The following JPH2 variants were observed in gnomAD, a reference collection of about 807,000 sequenced individuals.
JPH2 encodes the protein junctophilin-2.
Under a neutral mutation model 55.9 loss-of-function variants are expected in JPH2, and 38 were observed. The observed-to-expected ratio is 0.68, with a 90% CI of 0.52 to 0.89. The LOEUF (loss-of-function observed/expected upper bound fraction) is 0.89, where lower values mean the gene tolerates loss of function less well. JPH2 is among the 40% of genes least tolerant of loss of function. The pLI is 0.00. For missense variants in JPH2, 964 were observed against 1,037.6 expected, an observed-to-expected ratio of 0.93 and a Z score of 0.97; for synonymous variants, 480 against 472.4, an observed-to-expected ratio of 1.02 and a Z score of -0.21.
chr20:44,177,935 T>C (rs1392770058), intron 1 of JPH2: 3 of 1,395,128 alleles, frequency 2.2e-6, no homozygotes, highest in Admixed American at 3.3e-5. Flanking sequence ...CTTGTTTCAT[T>C]GTCTCGACCA....
Position 44,115,910 on chromosome 20 carries a change from C to CCTCGGG in JPH2, c.1759_1764dup (p.Pro587_Glu588dup). On this transcript the variant is annotated inframe_insertion, in exon 4 of 6. Transcript: ENST00000372980. ...GAGGGCGCGGACTCGGACCCGGAGACCTCGGGCTCGGGCTGGTCCTCAAAG... is the reference window on the plus strand; with the variant it reads ...GAGGGCGCGGACTCGGACCCGGAGACCTCGGGCTCGGGCTCGGGCTGGTCCTCAAAG... 1 of 1,573,236 alleles carries CCTCGGG rather than the reference C, an allele frequency of 6.4e-7. No homozygotes were observed. The highest frequency in any genetic ancestry group is 8.6e-7 in the Non-Finnish European group (1 of 1,166,042).
At chr20:44,140,514 C>T (rs922564185) in intron 2 of JPH2, among the ~76,000 whole-genome samples, 20 of 152,272 alleles carry the variant, frequency 1.3e-4, no homozygotes, top group South Asian at 4.1e-4. Context: ...CAGGGCCACA[C>T]GAAGCCAGGG....
At chr20:44,117,405 C>T (rs1399123321) in intron 3 of JPH2, among the ~76,000 whole-genome samples, 1 of 152,260 alleles carries the variant, frequency 6.6e-6, no homozygotes, top group African/African-American at 2.4e-5. Context: ...TCTGCAGCCT[C>T]GATTCTCAGG....
At chr20:44,148,634 C>G (rs1216832558) in intron 2 of JPH2, among the ~76,000 whole-genome samples, 2 of 152,212 alleles carry the variant, frequency 1.3e-5, no homozygotes, top group Non-Finnish European at 2.9e-5. Context: ...TACTGCCCTT[C>G]TCTGTGTGTG....
rs779253937 is a variant in JPH2 at position 44,115,728 on chromosome 20, C to G, written c.1947G>C (p.Gly649=). The part of the protein sequence containing the change: ...KTEARGLTKA[G]AKKKARKEAA... ...CCTCCTTCCGCGCCTTCTTCTTGGC[C>G]CCCGCCTTGGTCAGCCCTCGAGCCT... Residue 649 remains glycine (G), a synonymous_variant, in exon 4 of 6, where the codon GGG becomes GGC. Transcript: ENST00000372980. 6.2e-7 allele frequency: 1 copy of G among 1,613,630 alleles called. No individual in the cohort carries two copies. The highest frequency in any genetic ancestry group is 8.5e-7 in the Non-Finnish European group (1 of 1,180,016).
At chr20:44,148,085 C>A (rs897783823) in intron 2 of JPH2, among the ~76,000 whole-genome samples, 3 of 152,182 alleles carry the variant, frequency 2.0e-5, no homozygotes, top group South Asian at 2.1e-4. Context: ...ATTGCTTGGG[C>A]CCGGGAGGCA....
At position 44,159,848 on chromosome 20, in the gene JPH2, G is replaced by A. The variant is rs776738536; in HGVS notation, c.939C>T (p.Arg313=). The A allele has an allele frequency of 1.2e-6, 2 of 1,613,576 alleles. No individual in the cohort carries two copies. The highest frequency in any genetic ancestry group is 3.3e-5 in the Admixed American group (2 of 60,016). Residue 313 remains arginine (R), a synonymous_variant, in exon 2 of 6, where the codon CGC becomes CGT. Coordinates refer to ENST00000372980, the MANE Select transcript of JPH2 (RefSeq NM_020433.5). The surrounding 1 kb of genome is among the most constrained non-coding windows in gnomAD (Gnocchi z 5.7). ...FGVSERSSGL[R]YEGEWLDNLR... ...GGTTGTCCAGCCACTCGCCCTCGTA[G>A]CGGAGGCCACTGGAGCGTTCGCTCA...
At chr20:44,140,959 A>G (rs1401845391) in intron 2 of JPH2, among the ~76,000 whole-genome samples, 1 of 152,138 alleles carries the variant, frequency 6.6e-6, no homozygotes, top group Non-Finnish European at 1.5e-5. Flanking sequence ...TCTAACCCCA[A>G]AGCCTGTGCT....
intron 2 of JPH2, among the ~76,000 whole-genome samples, chr20:44,126,024 G>T (rs540451939): frequency 7.2e-5 from 11 of 151,734 alleles, no homozygotes; most frequent in African/African-American, 2.4e-4. Flanking sequence ...TACTTGGAAG[G>T]CTGAGGTGGG....
At chr20:44,132,401 C>CACACACACAG in intron 2 of JPH2, among the ~76,000 whole-genome samples, 1 of 146,376 alleles carries the variant, frequency 6.8e-6, no homozygotes, top group African/African-American at 2.6e-5. Context: ...CACACACACA[C>CACACACACAG]ATTTGGGCTG....
Position 44,118,537 on chromosome 20 carries a change from G to A in JPH2, c.1256C>T (p.Ala419Val). ...GTAGAAGTCCGGAGCCAGCTCCCTG[G>A]CCAAAGTGCGAGCAATGTTGGACTC... ...NQESNIARTL[A>V]RELAPDFYQP... is the part of the protein sequence containing the mutation. The change falls in exon 3 of 6, where the codon GCC (alanine) becomes GTC (valine). Residue 419 changes from alanine (A) to valine (V), a missense_variant. Physicochemically the swap from Ala to Val is moderately conservative, Grantham distance 64. Coordinates refer to ENST00000372980, the MANE Select transcript of JPH2 (RefSeq NM_020433.5). The A allele has an allele frequency of 6.2e-7, 1 of 1,613,218 alleles. No individual in the cohort carries two copies. Among genetic ancestry groups the A allele is most frequent in the Non-Finnish European group, 8.5e-7 (1 of 1,179,998 alleles).
rs1292510248 is a variant in JPH2 at position 44,186,699 on chromosome 20, C to T, written c.7G>A (p.Gly3Arg). The T allele has an allele frequency of 6.3e-7, 1 of 1,599,300 alleles. No individual in the cohort carries two copies. The highest frequency in any genetic ancestry group is 8.5e-7 in the Non-Finnish European group (1 of 1,179,636). ...CCATCATCAAAGTCGAAGCGGCCCC[C>T]ACTCATCTCATCATAGCCCCTGACA... The part of the protein sequence containing the change: MS[G>R]GRFDFDDGGA... Residue 3 changes from glycine to arginine, a missense_variant, in exon 1 of 6, where the codon GGG (glycine) becomes AGG (arginine). Physicochemically the swap from Gly to Arg is moderately radical, Grantham distance 125. Transcript: ENST00000372980.
At chr20:44,141,512 GTT>G (rs34441989) in intron 2 of JPH2, among the ~76,000 whole-genome samples, 52 of 147,878 alleles carry the variant, frequency 3.5e-4, no homozygotes, top group African/African-American at 1.0e-3. Context: ...AGTAGAAGCA[GTT>G]TTTTTTTTTT....
In JPH2 at chr20:44,110,134, C is replaced by A. The variant is rs890349533; in HGVS notation, c.*3384G>T. Among the ~76,000 whole-genome samples the A allele has an allele frequency of 6.6e-6, 1 of 152,102 alleles. No homozygotes were observed. Among genetic ancestry groups the A allele is most frequent in the Non-Finnish European group, 1.5e-5 (1 of 68,020 alleles). On this transcript the variant is annotated 3_prime_UTR_variant, in exon 6 of 6. Transcript: ENST00000372980. Reference sequence around the variant, plus strand: ...CCCTACCTGGCTCTGAGTCTCCAAACCTGGGGCTCAGGAAGCCGCCTCCTT... The same window carrying A: ...CCCTACCTGGCTCTGAGTCTCCAAAACTGGGGCTCAGGAAGCCGCCTCCTT...
chr20:44,137,645 C>T (rs1011564462), intron 2 of JPH2, among the ~76,000 whole-genome samples: 2 of 152,254 alleles, frequency 1.3e-5, no homozygotes, highest in Non-Finnish European at 2.9e-5. Context: ...TGGACAACTG[C>T]ATCCCTTTGT....
At chr20:44,163,322 G>A (rs1001744246) in intron 1 of JPH2, among the ~76,000 whole-genome samples, 33 of 152,184 alleles carry the variant, frequency 2.2e-4, no homozygotes, top group African/African-American at 7.7e-4. Flanking sequence ...TGTCAATGAT[G>A]TGTTGGGTGA....
At chr20:44,153,959 C>T (rs932140068) in intron 2 of JPH2, among the ~76,000 whole-genome samples, 8 of 152,132 alleles carry the variant, frequency 5.3e-5, no homozygotes, top group African/African-American at 1.2e-4. Flanking sequence ...AAACTTTAGG[C>T]GCCTCCCCAA....
At position 44,186,574 on chromosome 20, in the gene JPH2, A is replaced by G; in HGVS notation, c.132T>C (p.Phe44=). ...GQGEYSGSWN[F]GFEVAGVYTW... is the part of the protein sequence containing the mutation. ...TGTAGACACCTGCCACCTCAAAGCC[A>G]AAGTTCCAGGAGCCAGAGTATTCGC... Residue 44 remains phenylalanine, a synonymous_variant, in exon 1 of 6, where the codon TTT becomes TTC. Transcript: ENST00000372980. 3 of 1,613,730 alleles carry G rather than the reference A, an allele frequency of 1.9e-6. No homozygotes were observed. The highest frequency in any genetic ancestry group is 2.5e-6 in the Non-Finnish European group (3 of 1,179,768).
intron 1 of JPH2, among the ~76,000 whole-genome samples, chr20:44,161,776 C>A (rs2072611723): frequency 6.6e-6 from 1 of 152,108 alleles, no homozygotes; most frequent in African/African-American, 2.4e-5. Context: ...TAGTTCTCCC[C>A]AGGGCTCATC....
Sources: gnomAD v4.1 joint callset for allele counts (sites outside exome capture counted in the v4.1 genomes callset) on GRCh38, gnomAD v4.1.1 for gene constraint, Gnocchi (gnomAD v3.1) non-coding constraint, MANE v1.5 for transcripts, NCBI Gene and HGNC (gene_info 2026-07-23, HGNC 2026-07-21) for gene names.